The following STAG1 variants were observed in gnomAD, a reference collection of about 807,000 sequenced individuals.
STAG1 encodes cohesin subunit SA-1.
A neutral mutation model predicts 170.9 loss-of-function variants in STAG1; 26 were observed. The ratio of observed to expected loss-of-function variants is 0.15; its 90% confidence interval spans 0.11 to 0.21. The LOEUF (loss-of-function observed/expected upper bound fraction) is 0.21, where lower values mean the gene tolerates loss of function less well. Among genes scored for constraint, STAG1 ranks in the 10% least tolerant of loss-of-function variants. The pLI is 1.00. For missense variants in STAG1, 964 were observed against 1,509.5 expected, an observed-to-expected ratio of 0.64 and a Z score of 5.99; for synonymous variants, 514 against 497.7, an observed-to-expected ratio of 1.03 and a Z score of -0.44.
intron 1 of STAG1, among the ~76,000 whole-genome samples, chr3:136,648,409 C>A (rs1445443384): frequency 1.3e-5 from 2 of 152,140 alleles, no homozygotes; most frequent in African/African-American, 4.8e-5. Context: ...CATTAATTTT[C>A]AAAGCACCTG....
At chr3:136,567,445 C>A (rs1227623931) in intron 5 of STAG1, among the ~76,000 whole-genome samples, 1 of 152,146 alleles carries the variant, frequency 6.6e-6, no homozygotes, top group Admixed American at 6.5e-5. Flanking sequence ...TAATATGTTA[C>A]CTTTTGCCTT....
intron 5 of STAG1, among the ~76,000 whole-genome samples, chr3:136,550,429 T>G (rs1269149420): frequency 6.6e-6 from 1 of 151,842 alleles, no homozygotes; most frequent in African/African-American, 2.4e-5. Context: ...TGCCTCAGCC[T>G]CCCGAGTAGC....
intron 7 of STAG1, among the ~76,000 whole-genome samples, chr3:136,519,777 G>A (rs745882309): frequency 1.3e-5 from 2 of 151,694 alleles, no homozygotes; most frequent in Non-Finnish European, 2.9e-5. Flanking sequence ...AGATAAACAG[G>A]GTAAAAAATC....
At chr3:136,529,329 G>A (rs1202835926) in intron 6 of STAG1, among the ~76,000 whole-genome samples, 1 of 152,106 alleles carries the variant, frequency 6.6e-6, no homozygotes, top group Admixed American at 6.5e-5. Flanking sequence ...CTTCTTCATG[G>A]CACGTTATAG....
chr3:136,503,928 G>T (rs971319923), intron 7 of STAG1, among the ~76,000 whole-genome samples: 3 of 151,944 alleles, frequency 2.0e-5, no homozygotes, highest in Admixed American at 1.3e-4. Flanking sequence ...GTAGAGACAG[G>T]GTTTCACCAT....
chr3:136,649,658 G>A (rs1941149333), intron 1 of STAG1, among the ~76,000 whole-genome samples: 3 of 151,892 alleles, frequency 2.0e-5, no homozygotes, highest in East Asian at 1.9e-4. Flanking sequence ...GCTCGTGCCT[G>A]TAATCCCAGC....
chr3:136,574,115 C>A (rs1937364800), intron 4 of STAG1, among the ~76,000 whole-genome samples: 1 of 151,938 alleles, frequency 6.6e-6, no homozygotes, highest in African/African-American at 2.4e-5. Flanking sequence ...GTGGCACGCG[C>A]CTATAGTCCC....
chr3:136,521,765 G>C (rs532926384), intron 6 of STAG1, among the ~76,000 whole-genome samples: 3 of 152,070 alleles, frequency 2.0e-5, no homozygotes, highest in Non-Finnish European at 4.4e-5. Flanking sequence ...AAGGATGATT[G>C]CCAGTTGAAT....
intron 1 of STAG1, among the ~76,000 whole-genome samples, chr3:136,712,348 T>C (rs1047595249): frequency 1.3e-5 from 2 of 152,124 alleles, no homozygotes; most frequent in South Asian, 2.1e-4. Flanking sequence ...AAAGATACCA[T>C]ATAAAAAGGC....
At chr3:136,381,736 TA>T (rs1937982926) in intron 22 of STAG1, among the ~76,000 whole-genome samples, 2 of 152,088 alleles carry the variant, frequency 1.3e-5, no homozygotes, top group African/African-American at 4.8e-5. Context: ...GAAAAGTAAC[TA>T]AAAGAACAAA....
At chr3:136,380,588 A>T (rs999606351) in intron 22 of STAG1, among the ~76,000 whole-genome samples, 3 of 152,078 alleles carry the variant, frequency 2.0e-5, no homozygotes, top group Non-Finnish European at 4.4e-5. Context: ...GGCTCTAAAG[A>T]TATGGATAGA....
At chr3:136,612,645 A>ACT (rs754285474) in intron 3 of STAG1, among the ~76,000 whole-genome samples, 2 of 152,182 alleles carry the variant, frequency 1.3e-5, no homozygotes, top group Non-Finnish European at 2.9e-5. Flanking sequence ...GTTCCACTGC[A>ACT]CTCTCTCCAG....
At chr3:136,745,812 T>C (rs185659932) in intron 1 of STAG1, among the ~76,000 whole-genome samples, 1 of 152,234 alleles carries the variant, frequency 6.6e-6, no homozygotes, top group African/African-American at 2.4e-5. Context: ...AATACACTAA[T>C]GATAGCTAAT....
chr3:136,474,746 C>A (rs2089703254), intron 10 of STAG1, among the ~76,000 whole-genome samples: 1 of 152,228 alleles, frequency 6.6e-6, no homozygotes, highest in South Asian at 2.1e-4. Flanking sequence ...GCAGGTGCTG[C>A]TGATGCCCTA....
At chr3:136,708,214 A>G (rs2107915696) in intron 1 of STAG1, among the ~76,000 whole-genome samples, 1 of 152,316 alleles carries the variant, frequency 6.6e-6, no homozygotes, top group Middle Eastern at 3.4e-3. Context: ...TAGCAGCATT[A>G]TTCATAATAG....
At chr3:136,372,448 CAGTT>C (rs992842404) in intron 23 of STAG1, among the ~76,000 whole-genome samples, 1 of 152,062 alleles carries the variant, frequency 6.6e-6, no homozygotes, top group African/African-American at 2.4e-5. Context: ...GGAATGCTTC[CAGTT>C]TTTGTCCATC....
chr3:136,466,501 C>G (rs181121395), intron 12 of STAG1, among the ~76,000 whole-genome samples: 3 of 152,036 alleles, frequency 2.0e-5, no homozygotes, highest in Non-Finnish European at 2.9e-5. Context: ...TATGGGACTA[C>G]GTAAAAAGAC....
chr3:136,751,646 G>A (rs1935246661), intron 1 of STAG1, among the ~76,000 whole-genome samples: 2 of 151,714 alleles, frequency 1.3e-5, no homozygotes, highest in Admixed American at 1.3e-4. Context: ...CCGCCCCGCC[G>A]AGCGACCCCC....
intron 1 of STAG1, among the ~76,000 whole-genome samples, chr3:136,706,283 G>A (rs1469480129): frequency 6.6e-6 from 1 of 152,160 alleles, no homozygotes; most frequent in Non-Finnish European, 1.5e-5. Context: ...TATTGGAAAG[G>A]ATGAAGTGTA....
Sources: allele counts gnomAD v4.1 joint callset (sites outside exome capture counted in the v4.1 genomes callset), GRCh38; gene constraint gnomAD v4.1.1; transcripts MANE v1.5; gene names NCBI Gene and HGNC (gene_info 2026-07-23, HGNC 2026-07-21).